Variants in MUC15 observed in about 807,000 individuals in gnomAD.
MUC15 encodes the protein mucin 15, cell surface associated.
Under a neutral mutation model 24.0 loss-of-function variants are expected in MUC15, and 23 were observed. The observed-to-expected ratio is 0.96, with a 90% CI of 0.69 to 1.36. The LOEUF (loss-of-function observed/expected upper bound fraction) is 1.36, where lower values mean the gene tolerates loss of function less well. MUC15 is among the 40% of genes most tolerant of loss of function. The pLI is 0.00. For synonymous variants in MUC15, 151 were observed against 156.3 expected (o/e 0.97, Z 0.25); for missense variants, 442 against 428.2 (o/e 1.03, Z -0.29).
chr11:26,563,412 TG>T, intron 3 of MUC15, 147 bp from the exon 4 acceptor site: 15 of 711,238 alleles, frequency 2.1e-5, no homozygotes, highest in Non-Finnish European at 3.2e-5. Context: ...TGTGTGTGTG[TG>T]TGTGTGTGTG....
chr11:26,566,193 A>G (rs965453698), intron 2 of MUC15, among the ~76,000 whole-genome samples: 33 of 152,072 alleles, frequency 2.2e-4, no homozygotes, highest in African/African-American at 7.9e-4. Context: ...GAAGAAAACC[A>G]TAAAAACCCA....
chr11:26,569,413 C>T (rs1850730599), intron 1 of MUC15, among the ~76,000 whole-genome samples: 2 of 152,034 alleles, frequency 1.3e-5, no homozygotes, highest in South Asian at 4.1e-4. Flanking sequence ...CCTGACATTG[C>T]AGTAGGGACA....
chr11:26,564,088 G>A (rs1186073635), intron 3 of MUC15, among the ~76,000 whole-genome samples: 1 of 151,524 alleles, frequency 6.6e-6, no homozygotes, highest in Non-Finnish European at 1.5e-5. Flanking sequence ...CAGTAAACTT[G>A]TTACTAAAAG....
rs1244911347 is a variant in MUC15, at chr11:26,565,164, C to A, written c.775+1G>T. The A allele has an allele frequency of 6.7e-7, 1 of 1,499,266 alleles. No individual in the cohort carries two copies. The highest frequency in any genetic ancestry group is 8.9e-7 in the Non-Finnish European group (1 of 1,124,256). 92.9% of individuals were successfully genotyped at this position (1,499,266 alleles called of 1,614,324 possible). A position where few individuals can be genotyped will look rare whatever the true frequency, so the allele number is the denominator to read the frequency against. On this transcript the variant is annotated splice_donor_variant, in intron 3 of 4. Coordinates refer to ENST00000529533, the MANE Select transcript of MUC15 (RefSeq NM_001135091.2). LOFTEE classifies it high-confidence loss of function. ...GGAAAGTTAAAATCATTTATATTTA[C>A]CTTTTTGGGGATCTGACGTATTTGG...
At chr11:26,562,755 A>G (rs1291517090) in intron 4 of MUC15, among the ~76,000 whole-genome samples, 2 of 151,904 alleles carry the variant, frequency 1.3e-5, no homozygotes, top group African/African-American at 4.8e-5. Flanking sequence ...CTACTTAATG[A>G]TCTAACAATG....
intron 1 of MUC15, among the ~76,000 whole-genome samples, chr11:26,570,823 T>G (rs1260273657): frequency 6.6e-6 from 1 of 152,064 alleles, no homozygotes; most frequent in Non-Finnish European, 1.5e-5. Flanking sequence ...ATTTTTAGTT[T>G]CCTAAATTCA....
rs1470848288 is a variant in MUC15, at chr11:26,560,200, G to A, written c.*865C>T. 1 of 159,344 alleles carries A rather than the reference G, an allele frequency of 6.3e-6. No homozygotes were observed. Among genetic ancestry groups the A allele is most frequent in the Admixed American group, 6.2e-5 (1 of 16,088 alleles). 9.9% of individuals were successfully genotyped at this position (159,344 alleles called of 1,614,324 possible). The stretch of plus-strand genomic sequence containing the variant: ...AGGGATGCAGAATCTATTCCATTAT[G>A]ATTGAGCAATAATGTCTAATACATA... On this transcript the variant is annotated 3_prime_UTR_variant, in exon 5 of 5. Coordinates refer to ENST00000529533, the MANE Select transcript of MUC15 (RefSeq NM_001135091.2).
At chr11:26,561,358 G>T (rs1850285410) in intron 4 of MUC15, 133 bp from the exon 5 acceptor site, 5 of 681,514 alleles carry the variant, frequency 7.3e-6, no homozygotes, top group Non-Finnish European at 1.1e-5. Context: ...TTAGATTTTA[G>T]TTTTAAAATT....
chr11:26,568,055 T>C (rs1850665987), intron 1 of MUC15, among the ~76,000 whole-genome samples: 1 of 152,014 alleles, frequency 6.6e-6, no homozygotes. Context: ...TCAACCTGAT[T>C]GTGATTACAT....
chr11:26,570,480 G>C (rs1222567828), intron 1 of MUC15, among the ~76,000 whole-genome samples: 8 of 152,054 alleles, frequency 5.3e-5, no homozygotes, highest in Admixed American at 5.2e-4. Flanking sequence ...AGATGTCCTG[G>C]TTTATGTCAG....
In MUC15 at chr11:26,559,883, C is replaced by G; in HGVS notation, c.*1182G>C. The G allele has an allele frequency of 1.2e-6, 1 of 823,016 alleles. No homozygotes were observed. Among genetic ancestry groups the G allele is most frequent in the South Asian group, 1.6e-5 (1 of 60,696 alleles). The allele number at this position is 823,016 out of a possible 1,614,324, so 51.0% of individuals were successfully genotyped here. On this transcript the variant is annotated 3_prime_UTR_variant, in exon 5 of 5. Coordinates refer to ENST00000529533, the MANE Select transcript of MUC15 (RefSeq NM_001135091.2). ...ACACACACACACACACACCATGAAT[C>G]AATTCAAAAATAAAGCCTCTAGGTT...
intron 1 of MUC15, among the ~76,000 whole-genome samples, chr11:26,568,302 ATGTAAG>A (rs1287379771): frequency 1.3e-5 from 2 of 152,062 alleles, no homozygotes; most frequent in Non-Finnish European, 2.9e-5. Flanking sequence ...GACATAAATA[ATGTAAG>A]TAATGTGTCC....
At chr11:26,566,640 T>C (rs897599297) in intron 2 of MUC15, among the ~76,000 whole-genome samples, 1 of 151,868 alleles carries the variant, frequency 6.6e-6, no homozygotes, top group East Asian at 1.9e-4. Flanking sequence ...AAGAAGAATA[T>C]GGTTGGGGTG....
rs532442460 is a variant in MUC15 at position 26,569,008 on chromosome 11, G to C, written c.-45-1869C>G. Among the ~76,000 whole-genome samples the C allele has an allele frequency of 4.6e-5, 7 of 151,832 alleles. No homozygotes were observed. The South Asian group carries it at 1.5e-3, about 32-fold the overall frequency. ...TCTTCCTAATAAAGTGGTCACCAGT[G>C]GGGGGAAAAATGTCCTTAGCTGTTC... On this transcript the variant is annotated intron_variant, in intron 1 of 4. Coordinates refer to ENST00000529533, the MANE Select transcript of MUC15 (RefSeq NM_001135091.2).
Position 26,565,846 on chromosome 11 carries a change from C to CCAACATTGGCCAAT in MUC15, c.93_94insATTGGCCAATGTTG (p.Ala32IlefsTer10). 1 of 1,612,286 alleles carries CCAACATTGGCCAAT rather than the reference C, an allele frequency of 6.2e-7. No homozygotes were observed. The highest frequency in any genetic ancestry group is 8.5e-7 in the Non-Finnish European group (1 of 1,179,172). On this transcript the variant is annotated frameshift_variant, in exon 3 of 5. Coordinates refer to ENST00000529533, the MANE Select transcript of MUC15 (RefSeq NM_001135091.2). LOFTEE classifies it high-confidence loss of function. ...AACGTTGAAATCAACAGAATTTTGG[C>CCAACATTGGCCAAT]TAAGGCCAACATTGTAGGCTTCTTT...
chr11:26,565,846 C>A lies in MUC15; in HGVS notation c.94G>T (p.Ala32Ser). 1 of 1,612,286 alleles carries A rather than the reference C, an allele frequency of 6.2e-7. No homozygotes were observed. The highest frequency in any genetic ancestry group is 8.5e-7 in the Non-Finnish European group (1 of 1,179,172). ...IPKKPTMLAL[A>S]KILLISTLFY... ...AACGTTGAAATCAACAGAATTTTGGCTAAGGCCAACATTGTAGGCTTCTTT... is the reference window on the plus strand; with the variant it reads ...AACGTTGAAATCAACAGAATTTTGGATAAGGCCAACATTGTAGGCTTCTTT... The change falls in exon 3 of 5, where the codon GCC becomes TCC. Residue 32 changes from alanine (A) to serine (S), a missense_variant. By Grantham distance (99) the Ala-to-Ser change is moderately conservative. Transcript: ENST00000529533.
chr11:26,565,831 T>C lies in MUC15; in HGVS notation c.109A>G (p.Ile37Val). 6.2e-7 allele frequency: 1 copy of C among 1,612,858 alleles called. No homozygotes were observed. Among genetic ancestry groups the C allele is most frequent in the Non-Finnish European group, 8.5e-7 (1 of 1,179,344 alleles). Reference sequence around the variant, plus strand: ...AGAAGTGAATAAAACAACGTTGAAATCAACAGAATTTTGGCTAAGGCCAAC... The same window carrying C: ...AGAAGTGAATAAAACAACGTTGAAACCAACAGAATTTTGGCTAAGGCCAAC... ...TMLALAKILL[I>V]STLFYSLLSG... Residue 37 changes from isoleucine to valine, a missense_variant, in exon 3 of 5, where the codon ATT becomes GTT. Ile to Val is a conservative substitution (Grantham distance 29). Transcript: ENST00000529533.
intron 3 of MUC15, among the ~76,000 whole-genome samples, chr11:26,564,361 T>C (rs1850429993): frequency 1.3e-5 from 2 of 151,558 alleles, no homozygotes; most frequent in Non-Finnish European, 3.0e-5. Flanking sequence ...ATATGATTTG[T>C]TTTTTACATT....
chr11:26,561,520 C>T (rs1850291895), intron 4 of MUC15, among the ~76,000 whole-genome samples: 1 of 151,804 alleles, frequency 6.6e-6, no homozygotes, highest in Non-Finnish European at 1.5e-5. Flanking sequence ...AAGTGTAGAC[C>T]ATACCTCATT....
Sources: gnomAD v4.1 joint callset for allele counts (sites outside exome capture counted in the v4.1 genomes callset) on GRCh38, gnomAD v4.1.1 for gene constraint, MANE v1.5 for transcripts, NCBI Gene and HGNC (gene_info 2026-07-23, HGNC 2026-07-21) for gene names.